The following PCDH15 variants were observed in gnomAD, a reference collection of about 807,000 sequenced individuals.
The protein encoded by PCDH15 is protocadherin-15.
Under a neutral mutation model 178.5 loss-of-function variants are expected in PCDH15, and 129 were observed. The observed-to-expected ratio is 0.72, with a 90% CI of 0.63 to 0.84. PCDH15 has a LOEUF of 0.84. Ranked by LOEUF, PCDH15 falls within the 40% of genes least tolerant of loss-of-function variation. The probability of loss-of-function intolerance (pLI) is 0.00; values close to 1 mark genes in which losing one functional copy is unlikely to be tolerated. For missense variants in PCDH15, 2,230 were observed against 2,099.9 expected (o/e 1.06, Z -1.21); for synonymous variants, 800 against 732.0 (o/e 1.09, Z -1.50).
chr10:54,542,993 T>G (rs1055560198), intron 2 of PCDH15, among the ~76,000 whole-genome samples: 2 of 152,060 alleles, frequency 1.3e-5, no homozygotes, highest in Non-Finnish European at 2.9e-5. Flanking sequence ...CAAAAGGATG[T>G]CGAGGGAGCA....
At chr10:55,321,784 T>A (rs1843909703), upstream of PCDH15, among the ~76,000 whole-genome samples, 1 of 152,146 alleles carries the variant, frequency 6.6e-6, no homozygotes, top group South Asian at 2.1e-4. Flanking sequence ...AGAAAGAAGA[T>A]TATTTTCAGA....
chr10:54,043,608 C>T (rs958086341), intron 18 of PCDH15, among the ~76,000 whole-genome samples: 11 of 151,966 alleles, frequency 7.2e-5, no homozygotes, highest in Admixed American at 5.9e-4. Context: ...AGGCTGGTCT[C>T]AAACTCTTAG....
chr10:54,395,864 T>C (rs563313727), intron 3 of PCDH15, among the ~76,000 whole-genome samples: 1 of 152,154 alleles, frequency 6.6e-6, no homozygotes, highest in Admixed American at 6.6e-5. Flanking sequence ...TTCAATGTAT[T>C]ATTGTAGATA....
At chr10:53,870,398 A>C (rs1244137803) in intron 26 of PCDH15, among the ~76,000 whole-genome samples, 1 of 152,130 alleles carries the variant, frequency 6.6e-6, no homozygotes, top group Non-Finnish European at 1.5e-5. Context: ...TGTCTACTGG[A>C]ATTAAAAAAA....
chr10:54,727,843 A>G (rs978949500), intron 1 of PCDH15, among the ~76,000 whole-genome samples: 29 of 151,512 alleles, frequency 1.9e-4, no homozygotes, highest in Non-Finnish European at 3.0e-5. Flanking sequence ...GAAGGAATAA[A>G]TAAGTTCCTG....
chr10:54,988,529 G>A (rs1044489914), intron 2 of PCDH15, among the ~76,000 whole-genome samples: 14 of 152,156 alleles, frequency 9.2e-5, no homozygotes, highest in Non-Finnish European at 1.6e-4. Context: ...AGATGAAAAT[G>A]AGGAAATTTC....
chr10:55,622,140 T>C (rs1294604385), intron 2 of PCDH15, among the ~76,000 whole-genome samples: 1 of 135,080 alleles, frequency 7.4e-6, no homozygotes, highest in Non-Finnish European at 1.5e-5. Context: ...TTATATATAT[T>C]ATATATATCT....
chr10:54,780,206 C>A (rs930400748), intron 1 of PCDH15, among the ~76,000 whole-genome samples: 22 of 152,062 alleles, frequency 1.4e-4, no homozygotes, highest in African/African-American at 5.1e-4. Context: ...AGCAAGCCAG[C>A]AAGAAAGCCC....
chr10:55,142,376 T>C (rs2132090039), intron 2 of PCDH15, among the ~76,000 whole-genome samples: 1 of 151,742 alleles, frequency 6.6e-6, no homozygotes, highest in Admixed American at 6.6e-5. Context: ...AAATATAGAG[T>C]ATAAGTTTTC....
intron 9 of PCDH15, among the ~76,000 whole-genome samples, chr10:54,220,630 C>A (rs2052672546): frequency 6.6e-6 from 1 of 152,064 alleles, no homozygotes; most frequent in South Asian, 2.1e-4. Flanking sequence ...TCGAGACCAT[C>A]CTGGCTAACA....
At chr10:53,809,567 A>AT in intron 37 of PCDH15, 1 of 1,601,644 alleles carries the variant, frequency 6.2e-7, no homozygotes, top group Non-Finnish European at 8.5e-7. Flanking sequence ...TGAAAATGCA[A>AT]TTGAAGTGTC....
At chr10:55,259,459 T>C (rs1438040818) in intron 1 of PCDH15, among the ~76,000 whole-genome samples, 1 of 152,158 alleles carries the variant, frequency 6.6e-6, no homozygotes, top group East Asian at 1.9e-4. Flanking sequence ...CAGGCCACTG[T>C]GTAAGATGAT....
In PCDH15 at chr10:53,955,022, A is replaced by G. The variant is rs866800888; in HGVS notation, c.3122+4710T>C. On this transcript the variant is annotated intron_variant, in intron 23 of 37. Transcript: ENST00000644397. ...CCTACACCATTTCCCCTTTTTCCTC[A>G]ACAACTGAGGTTGAACTAGGACACA... 2.6e-5 allele frequency among the ~76,000 whole-genome samples: 4 copies of G among 152,132 alleles called. No homozygotes were observed. In the South Asian group the frequency reaches 6.2e-4, roughly 24 times the overall value.
At chr10:54,731,545 G>GATAGATATATATATATATATATAT (rs1555172505) in intron 1 of PCDH15, among the ~76,000 whole-genome samples, 4 of 80,254 alleles carry the variant, frequency 5.0e-5, no homozygotes, top group African/African-American at 1.9e-4. Flanking sequence ...ATGTGAGATA[G>GATAGATATATATATATATATATAT]ATATATATAT....
chr10:55,425,981 CA>C, intron 2 of PCDH15, among the ~76,000 whole-genome samples: 1 of 152,038 alleles, frequency 6.6e-6, no homozygotes, highest in East Asian at 1.9e-4. Context: ...ATAGTCATAG[CA>C]AAATACTTAT....
At chr10:55,462,847 G>A (rs1335431470) in intron 2 of PCDH15, among the ~76,000 whole-genome samples, 1 of 152,046 alleles carries the variant, frequency 6.6e-6, no homozygotes, top group Non-Finnish European at 1.5e-5. Context: ...AAAATATTTT[G>A]AGAATCACAA....
intron 2 of PCDH15, among the ~76,000 whole-genome samples, chr10:54,991,313 T>C (rs1331460612): frequency 6.6e-6 from 1 of 152,162 alleles, no homozygotes; most frequent in Non-Finnish European, 1.5e-5. Flanking sequence ...TATAAATATA[T>C]TGTTCCACTT....
chr10:55,221,153 A>G (rs1487734769), intron 1 of PCDH15, among the ~76,000 whole-genome samples: 2 of 152,074 alleles, frequency 1.3e-5, no homozygotes, highest in African/African-American at 4.8e-5. Flanking sequence ...GATAGCACAC[A>G]CACACACTCA....
intron 9 of PCDH15, among the ~76,000 whole-genome samples, chr10:54,224,180 A>G (rs971394425): frequency 1.3e-5 from 2 of 152,178 alleles, no homozygotes; most frequent in Admixed American, 6.5e-5. Flanking sequence ...TTGACATTGT[A>G]GATATATAGA....
Sources: allele counts gnomAD v4.1 joint callset (sites outside exome capture counted in the v4.1 genomes callset), GRCh38; gene constraint gnomAD v4.1.1; transcripts MANE v1.5; gene names NCBI Gene and HGNC (gene_info 2026-07-23, HGNC 2026-07-21).